The following KRT34 variants were observed in gnomAD, a reference collection of about 807,000 sequenced individuals.
The protein encoded by KRT34 is keratin 34.
In KRT34, 31 loss-of-function variants were observed where a neutral mutation model predicts 41.7. The observed-to-expected ratio is 0.74, with a 90% CI of 0.56 to 1.00. The LOEUF (loss-of-function observed/expected upper bound fraction) is 1.00. Among genes scored for constraint, KRT34 ranks in the 50% least tolerant of loss-of-function variants. KRT34 has a pLI of 0.00. For synonymous variants in KRT34, 224 were observed against 212.9 expected (o/e 1.05, Z -0.45); for missense variants, 523 against 500.3 (o/e 1.05, Z -0.43).
intron 6 of KRT34, 150 bp downstream of exon 6, chr17:41,378,805 GC>G (rs1360760543): frequency 8.9e-7 from 1 of 1,129,428 alleles, no homozygotes; most frequent in African/African-American, 1.5e-5. Context: ...CTTACCTTTG[GC>G]CTCCCTTTGC....
At chr17:41,381,352 G>A in intron 2 of KRT34, 140 bp from the exon 3 acceptor site, 1 of 904,988 alleles carries the variant, frequency 1.1e-6, no homozygotes, top group South Asian at 1.8e-5. Flanking sequence ...CAGTCAAGCT[G>A]TCCATGGATA....
intron 3 of KRT34, 32 bp from the exon 4 acceptor site, chr17:41,379,763 G>A (rs760156674): frequency 4.5e-5 from 70 of 1,563,054 alleles, no homozygotes; most frequent in Non-Finnish European, 5.7e-5. Context: ...ATGAACCTAC[G>A]GCAATGGATC....
chr17:41,381,034 C>T, intron 3 of KRT34, 22 bp downstream of exon 3: 2 of 1,612,910 alleles, frequency 1.2e-6, no homozygotes, highest in Non-Finnish European at 1.7e-6. Context: ...CTGAGGCCTG[C>T]TTTTGTGAAT....
At chr17:41,380,992 C>T (rs2017968898) in intron 3 of KRT34, 64 bp downstream of exon 3, 10 of 1,488,352 alleles carry the variant, frequency 6.7e-6, no homozygotes, top group Admixed American at 1.7e-5. Context: ...GACAGTAATC[C>T]TCTCCTGATT....
intron 3 of KRT34, among the ~76,000 whole-genome samples, chr17:41,380,772 C>G (rs1034038552): frequency 6.6e-6 from 1 of 152,176 alleles, no homozygotes; most frequent in Non-Finnish European, 1.5e-5. Context: ...GTCCCTCCAT[C>G]TCCACCACCA....
At position 41,379,123 on chromosome 17, in the gene KRT34, C is replaced by G. The variant is rs764072288; in HGVS notation, c.930G>C (p.Gln310His). The change falls in exon 6 of 7, where the codon CAG (glutamine) becomes CAC (histidine). Residue 310 changes from glutamine to histidine, a missense_variant. Gln to His is a conservative substitution (Grantham distance 24, BLOSUM62 0). Transcript: ENST00000394001. Reference sequence around the variant, plus strand: ...TGATCAGGCTCTGCACCTGGGACAGCTGGGAGCTGTAGTGGGCCTCGCTCT... The same window carrying G: ...TGATCAGGCTCTGCACCTGGGACAGGTGGGAGCTGTAGTGGGCCTCGCTCT... ...LTESEAHYSS[Q>H]LSQVQSLITN... 3.7e-6 allele frequency: 6 copies of G among 1,614,130 alleles called. No homozygotes were observed. The Admixed American group carries it at 8.3e-5, about 22-fold the overall frequency.
upstream of KRT34, among the ~76,000 whole-genome samples, chr17:41,382,824 G>A (rs1208489701): frequency 6.6e-6 from 1 of 152,128 alleles, no homozygotes; most frequent in Non-Finnish European, 1.5e-5. Context: ...CTTACTATTC[G>A]TTGGGGTTTA....
upstream of KRT34, among the ~76,000 whole-genome samples, chr17:41,382,635 G>A (rs766481474): frequency 7.9e-5 from 12 of 152,144 alleles, no homozygotes; most frequent in Non-Finnish European, 1.3e-4. Context: ...TGGGAATCAG[G>A]GATTCCTCAC....
At chr17:41,380,692 T>C (rs912439653) in intron 3 of KRT34, among the ~76,000 whole-genome samples, 2 of 152,212 alleles carry the variant, frequency 1.3e-5, no homozygotes, top group Non-Finnish European at 2.9e-5. Context: ...ATCACTGTGT[T>C]TATATGACTG....
At chr17:41,382,608 C>CATGG (rs543810173), upstream of KRT34, among the ~76,000 whole-genome samples, 602 of 152,250 alleles carry the variant, frequency 4.0e-3, 5 homozygotes, top group African/African-American at 0.013. Flanking sequence ...CAGCCAGGGA[C>CATGG]ATGGGGTGGA....
intron 3 of KRT34, among the ~76,000 whole-genome samples, chr17:41,380,551 A>G (rs890002788): frequency 6.6e-6 from 1 of 151,830 alleles, no homozygotes; most frequent in East Asian, 1.9e-4. Flanking sequence ...AGACTGAAAC[A>G]CCCAAGTACT....
intron 1 of KRT34, 25 bp downstream of exon 1, chr17:41,381,874 C>G (rs1230660598): frequency 2.4e-5 from 38 of 1,612,684 alleles, no homozygotes; most frequent in Non-Finnish European, 1.8e-5. Context: ...CTGCTGCTGG[C>G]CCCCCATATG....
rs1406575536 is a variant in KRT34, at chr17:41,378,953, C to T, written c.1097+3G>A. 1 of 1,613,994 alleles carries T rather than the reference C, an allele frequency of 6.2e-7. No homozygotes were observed. Among genetic ancestry groups the T allele is most frequent in the Non-Finnish European group, 8.5e-7 (1 of 1,179,972 alleles). Reference sequence around the variant, plus strand: ...TCCCAGACATTATTTGCCCCATACTCACTTGCAGTCCTCACTCTCCAGGAG... The same window carrying T: ...TCCCAGACATTATTTGCCCCATACTTACTTGCAGTCCTCACTCTCCAGGAG... On this transcript the variant is annotated splice_donor_region_variant and intron_variant, in intron 6 of 6. Transcript: ENST00000394001.
intron 3 of KRT34, 132 bp downstream of exon 3, chr17:41,380,924 C>T (rs2017967132): frequency 8.0e-6 from 7 of 877,056 alleles, no homozygotes; most frequent in Admixed American, 2.0e-5. Flanking sequence ...GATGTAGCAC[C>T]GTCACTCTCT....
rs569950771 is a variant in KRT34 at position 41,381,203 on chromosome 17, C to T, written c.441G>A (p.Thr147=). Residue 147 remains threonine, a synonymous_variant, in exon 3 of 7, where the codon ACG becomes ACA. Transcript: ENST00000394001. ...CCACCAACAGCCTCAGGGACTGCTC[C>T]GTCTGGTACCTGCACGTGTCGGAGT... ...ASDDFRSKYQ[T]EQSLRLLVES... 33 of 1,613,696 alleles carry T rather than the reference C, an allele frequency of 2.0e-5. No individual in the cohort carries two copies. Among genetic ancestry groups the T allele is most frequent in the Middle Eastern group, 3.3e-4 (2 of 6,080 alleles).
intron 3 of KRT34, among the ~76,000 whole-genome samples, chr17:41,380,075 A>G (rs1263119630): frequency 6.6e-6 from 1 of 152,136 alleles, no homozygotes; most frequent in African/African-American, 2.4e-5. Context: ...CCTAGCCAAC[A>G]TGGTGAAACC....
rs2017929863 is a variant in KRT34, at chr17:41,379,550, C to T, written c.750+20G>A. On this transcript the variant is annotated intron_variant, in intron 4 of 6. Transcript: ENST00000394001. The stretch of plus-strand genomic sequence containing the variant: ...CTGGGGCACCTCGGGTCCTGAGTGG[C>T]CATGTGCTTAGATGCCCACCTGCGT... 3 of 1,613,820 alleles carry T rather than the reference C, an allele frequency of 1.9e-6. No individual in the cohort carries two copies. Among genetic ancestry groups the T allele is most frequent in the Non-Finnish European group, 2.5e-6 (3 of 1,179,812 alleles).
intron 3 of KRT34, among the ~76,000 whole-genome samples, chr17:41,380,329 C>A (rs1434880300): frequency 6.6e-6 from 1 of 152,006 alleles, no homozygotes; most frequent in Non-Finnish European, 1.5e-5. Context: ...TAGCAATAAA[C>A]TCCAACAGGG....
intron 3 of KRT34, 93 bp downstream of exon 3, chr17:41,380,963 G>T: frequency 8.0e-7 from 1 of 1,253,228 alleles, no homozygotes; most frequent in Non-Finnish European, 1.2e-6. Flanking sequence ...TCAGAGAAGG[G>T]TCCCAGACCA....
Sources: allele counts gnomAD v4.1 joint callset (sites outside exome capture counted in the v4.1 genomes callset), GRCh38; gene constraint gnomAD v4.1.1; transcripts MANE v1.5; gene names NCBI Gene and HGNC (gene_info 2026-07-23, HGNC 2026-07-21).